Variants in LINGO2 observed in about 807,000 individuals in gnomAD.
LINGO2 encodes the protein leucine-rich repeat and immunoglobulin-like domain-containing nogo receptor-interacting protein 2.
In LINGO2, 14 loss-of-function variants were observed where a neutral mutation model predicts 30.6. The ratio of observed to expected loss-of-function variants is 0.46; its 90% CI spans 0.30 to 0.72. The LOEUF is 0.72. LINGO2 is among the 30% of genes least tolerant of loss of function. LINGO2 has a pLI of 0.07. For missense variants in LINGO2, 729 were observed against 751.7 expected (o/e 0.97, Z 0.35); for synonymous variants, 317 against 288.5 (o/e 1.10, Z -1.00).
chr9:28,820,825 C>A, the LINGO2 span, among the ~76,000 whole-genome samples: 1 of 152,166 alleles, frequency 6.6e-6, no homozygotes, highest in African/African-American at 2.4e-5. Context: ...GGCCAATAAT[C>A]AATTTGCTTC....
chr9:29,172,232 G>C, the LINGO2 span, among the ~76,000 whole-genome samples: 1 of 151,678 alleles, frequency 6.6e-6, no homozygotes, highest in African/African-American at 2.4e-5. Context: ...CTATAATAAA[G>C]GATGATAGCC....
At chr9:28,754,132 G>A in the LINGO2 span, among the ~76,000 whole-genome samples, 8 of 151,590 alleles carry the variant, frequency 5.3e-5, no homozygotes, top group Non-Finnish European at 8.8e-5. Flanking sequence ...CAGACTATCC[G>A]TAAGAAAGTG....
chr9:27,963,554 G>A (rs576789329), intron 5 of LINGO2, among the ~76,000 whole-genome samples: 2 of 152,152 alleles, frequency 1.3e-5, no homozygotes, highest in East Asian at 3.9e-4. Context: ...TGCTTAGCCT[G>A]GAAATTCTAT....
intron 1 of LINGO2, among the ~76,000 whole-genome samples, chr9:28,553,930 T>G (rs1399723433): frequency 6.6e-6 from 1 of 151,842 alleles, no homozygotes; most frequent in East Asian, 1.9e-4. Context: ...ATAAAATACT[T>G]TACAGACAAG....
chr9:28,207,098 T>G (rs982070643), intron 4 of LINGO2, among the ~76,000 whole-genome samples: 5 of 152,196 alleles, frequency 3.3e-5, no homozygotes, highest in African/African-American at 9.6e-5. Flanking sequence ...ATCTGATTTA[T>G]GTGCCATGCA....
the LINGO2 span, among the ~76,000 whole-genome samples, chr9:28,745,979 T>A: frequency 6.6e-6 from 1 of 152,004 alleles, no homozygotes; most frequent in South Asian, 2.1e-4. Flanking sequence ...ATACAAACTA[T>A]CAAATATAAG....
chr9:27,999,600 C>T (rs1468958154), intron 5 of LINGO2, among the ~76,000 whole-genome samples: 1 of 152,158 alleles, frequency 6.6e-6, no homozygotes, highest in Non-Finnish European at 1.5e-5. Context: ...CTTCTTTCCT[C>T]TGCTGCCTCC....
chr9:28,456,753 T>C (rs1824866467), intron 2 of LINGO2, among the ~76,000 whole-genome samples: 1 of 152,178 alleles, frequency 6.6e-6, no homozygotes, highest in Non-Finnish European at 1.5e-5. Context: ...AGCTTCTAGT[T>C]CAAGAAGTTC....
intron 1 of LINGO2, among the ~76,000 whole-genome samples, chr9:28,538,955 A>T (rs905852016): frequency 6.6e-6 from 1 of 152,248 alleles, no homozygotes; most frequent in Admixed American, 6.5e-5. Context: ...AAAATAAAAT[A>T]AAAAAATCCA....
intron 4 of LINGO2, among the ~76,000 whole-genome samples, chr9:28,246,719 G>A (rs1453833348): frequency 6.6e-6 from 1 of 152,018 alleles, no homozygotes; most frequent in Non-Finnish European, 1.5e-5. Flanking sequence ...GACATCTCCA[G>A]AAGCAACTGT....
the LINGO2 span, among the ~76,000 whole-genome samples, chr9:29,084,862 T>A: frequency 6.6e-6 from 1 of 151,986 alleles, no homozygotes; most frequent in Non-Finnish European, 1.5e-5. Flanking sequence ...TGCCCAGAAA[T>A]CCAGAGTACC....
At chr9:28,965,671 T>C in the LINGO2 span, among the ~76,000 whole-genome samples, 1 of 152,116 alleles carries the variant, frequency 6.6e-6, no homozygotes, top group Non-Finnish European at 1.5e-5. Flanking sequence ...ACAACTCAAA[T>C]ACTACTTCTT....
chr9:27,951,330 G>A (rs914230412), intron 5 of LINGO2, among the ~76,000 whole-genome samples: 2 of 152,112 alleles, frequency 1.3e-5, no homozygotes, highest in Non-Finnish European at 2.9e-5. Context: ...AATTTATGAA[G>A]GGATTTTCTT....
chr9:28,075,493 A>G (rs1015604948), intron 4 of LINGO2, among the ~76,000 whole-genome samples: 1 of 151,992 alleles, frequency 6.6e-6, no homozygotes, highest in Non-Finnish European at 1.5e-5. Flanking sequence ...TGTGCCCATT[A>G]GTAACTCTAC....
intron 1 of LINGO2, among the ~76,000 whole-genome samples, chr9:28,606,367 T>A (rs540209169): frequency 6.6e-6 from 1 of 152,012 alleles, no homozygotes; most frequent in African/African-American, 2.4e-5. Context: ...ATGACTTTAC[T>A]GGAGAATAAA....
the LINGO2 span, among the ~76,000 whole-genome samples, chr9:29,126,504 T>G: frequency 2.4e-4 from 36 of 152,258 alleles, no homozygotes; most frequent in East Asian, 6.8e-3. Context: ...AAATATTTCC[T>G]TCATTTAAAA....
At chr9:28,309,093 A>G (rs1023325901) in intron 3 of LINGO2, among the ~76,000 whole-genome samples, 20 of 152,172 alleles carry the variant, frequency 1.3e-4, no homozygotes, top group African/African-American at 4.1e-4. Flanking sequence ...TATATACCCA[A>G]AGGACTGTAA....
intron 1 of LINGO2, among the ~76,000 whole-genome samples, chr9:28,619,185 T>C (rs553189608): frequency 2.0e-5 from 3 of 152,288 alleles, no homozygotes; most frequent in African/African-American, 2.4e-5. Flanking sequence ...TGAATGATGT[T>C]CAGCATTTTA....
In LINGO2 at chr9:28,264,485, T is replaced by C. The variant is rs1484291154; in HGVS notation, c.-87+30723A>G. Among the ~76,000 whole-genome samples, 4 of 152,038 alleles carry C rather than the reference T, an allele frequency of 2.6e-5. No homozygotes were observed. The South Asian group carries it at 8.3e-4, about 31-fold the overall frequency. On this transcript the variant is annotated intron_variant, in intron 4 of 5. Transcript: ENST00000379992. ...GAACTGTAAAAGTCATCTATTACAA[T>C]ATTTCATTCAAGGCTTGAGTCATTT... is the stretch of plus-strand genomic sequence containing the variant.
Sources: allele counts gnomAD v4.1 joint callset (sites outside exome capture counted in the v4.1 genomes callset), GRCh38; gene constraint gnomAD v4.1.1; transcripts MANE v1.5; gene names NCBI Gene and HGNC (gene_info 2026-07-23, HGNC 2026-07-21).